The following EIF4G1 variants were observed in gnomAD, a reference collection of about 807,000 sequenced individuals.
The protein encoded by EIF4G1 is EIF4-gamma.
A neutral mutation model predicts 187.8 loss-of-function variants in EIF4G1; 4 were observed. The ratio of observed to expected loss-of-function variants is 0.02; its 90% confidence interval spans 0.01 to 0.05. The LOEUF (loss-of-function observed/expected upper bound fraction) is 0.05, where lower values mean the gene tolerates loss of function less well. Among genes scored for constraint, EIF4G1 ranks in the 10% least tolerant of loss-of-function variants. The pLI is 1.00. For synonymous variants in EIF4G1, 844 were observed against 781.4 expected (o/e 1.08, Z -1.34); for missense variants, 1,647 against 2,081.1 (o/e 0.79, Z 4.06).
chr3:184,326,796 G>C, intron 22 of EIF4G1, 85 bp from the exon 23 acceptor site: 1 of 1,561,524 alleles, frequency 6.4e-7, no homozygotes, highest in Non-Finnish European at 8.8e-7. Context: ...TTTGGGACTG[G>C]GACCAAGTGT....
rs772882343 is a variant in EIF4G1 at position 184,321,557 on chromosome 3, C to T, written c.973C>T (p.Leu325=). 1 of 1,614,228 alleles carries T rather than the reference C, an allele frequency of 6.2e-7. No homozygotes were observed. Among genetic ancestry groups the T allele is most frequent in the South Asian group, 1.1e-5 (1 of 91,088 alleles). Residue 325 remains leucine, a synonymous_variant, in exon 10 of 33, where the codon CTG becomes TTG. Transcript: ENST00000346169. The part of the protein sequence containing the change: ...PEPTPLAEPI[L]EVEVTLSKPV... Reference sequence around the variant, plus strand: ...ACCCACTCCTCTCGCCGAACCCATACTGGAAGTAGAAGTGACACTTAGCAA... The same window carrying T: ...ACCCACTCCTCTCGCCGAACCCATATTGGAAGTAGAAGTGACACTTAGCAA...
chr3:184,331,299 G>T lies in EIF4G1; in HGVS notation c.4195G>T (p.Ala1399Ser). Residue 1399 changes from alanine to serine, a missense_variant, in exon 29 of 33, where the codon GCC becomes TCC. Ala to Ser is a moderately conservative substitution (Grantham distance 99). This residue lies in a region of EIF4G1 where 543 missense variants were observed against 638.0 expected (regional missense o/e 0.85). Transcript: ENST00000346169. ...AAAGGTGGGGACGCTGTGGCGAGAA[G>T]CCGGGCTTAGCTGGAAGGAATTTCT... ...PKKVGTLWREAGLSWKEFLPE... is the reference protein window; with the variant it reads ...PKKVGTLWRESGLSWKEFLPE... The T allele has an allele frequency of 6.2e-7, 1 of 1,614,214 alleles. No homozygotes were observed.
At chr3:184,326,463 G>A (rs778158168) in intron 21 of EIF4G1, 64 bp from the exon 22 acceptor site, 141 of 1,561,328 alleles carry the variant, frequency 9.0e-5, no homozygotes, top group Non-Finnish European at 1.2e-4. Context: ...GTTGCATATG[G>A]TGGTGCTGGC....
At position 184,320,697 on chromosome 3, in the gene EIF4G1, C is replaced by T. The variant is rs754315087; in HGVS notation, c.605C>T (p.Thr202Ile). 9 of 1,614,066 alleles carry T rather than the reference C, an allele frequency of 5.6e-6. No homozygotes were observed. The East Asian group carries it at 8.9e-5, about 16-fold the overall frequency. Residue 202 changes from threonine (T) to isoleucine (I), a missense_variant, in exon 8 of 33, where the codon ACT becomes ATT. Transcript: ENST00000346169. ...GAGGAGATCATGTCTGGGGCCCGCA[C>T]TGCCTCCACACCCACCCCTCCCCAG... ...ITEEIMSGARTASTPTPPQTG... is the reference protein window; with the variant it reads ...ITEEIMSGARIASTPTPPQTG...
chr3:184,315,575 G>A, intron 2 of EIF4G1, 30 bp downstream of exon 2: 1 of 765,916 alleles, frequency 1.3e-6, no homozygotes, highest in Non-Finnish European at 2.4e-6. Context: ...CAGTAGGTCA[G>A]GGGTTGGTTG....
At chr3:184,322,254 G>A in intron 10 of EIF4G1, 108 bp from the exon 11 acceptor site, 2 of 1,520,638 alleles carry the variant, frequency 1.3e-6, no homozygotes, top group Non-Finnish European at 1.8e-6. Flanking sequence ...AAAGGGTGAT[G>A]CAAAGGGGAA....
In EIF4G1 at chr3:184,321,366, C is replaced by T. The variant is rs774842696; in HGVS notation, c.782C>T (p.Ser261Leu). The T allele has an allele frequency of 1.1e-5, 17 of 1,614,024 alleles. No individual in the cohort carries two copies. Among genetic ancestry groups the T allele is most frequent in the Middle Eastern group, 3.3e-4 (2 of 6,084 alleles). Residue 261 changes from serine (S) to leucine (L), a missense_variant, in exon 10 of 33, where the codon TCG (serine) becomes TTG (leucine). Ser to Leu is a moderately radical substitution (Grantham distance 145). Around this residue, in one of 11 missense-constraint regions of EIF4G1, gnomAD observed 522 missense variants for 485.2 expected, o/e 1.08. Coordinates refer to ENST00000346169, the MANE Select transcript of EIF4G1 (RefSeq NM_198241.3). ...EHSPSESQPS[S>L]PSPTPSPSPV... Reference sequence around the variant, plus strand: ...AGCCCTTCAGAATCCCAGCCTTCGTCGCCTTCTCCGACCCCATCACCATCC... The same window carrying T: ...AGCCCTTCAGAATCCCAGCCTTCGTTGCCTTCTCCGACCCCATCACCATCC...
chr3:184,322,554 C>T lies in EIF4G1; in HGVS notation c.1619C>T (p.Ala540Val), dbSNP rs1724106328. Residue 540 changes from alanine to valine, a missense_variant, in exon 12 of 33, where the codon GCA becomes GTA. Physicochemically the swap from Ala to Val is moderately conservative, Grantham distance 64. Around this residue, in one of 11 missense-constraint regions of EIF4G1, gnomAD observed 522 missense variants for 485.2 expected, o/e 1.08. Coordinates refer to ENST00000346169, the MANE Select transcript of EIF4G1 (RefSeq NM_198241.3). ...GTTCTGTTGTTCTAGGCGAACCCGG[C>T]AGTACCAGAGGTGGAAAATCAGCCT... ...LLDAFKEANP[A>V]VPEVENQPPA... 5.6e-6 allele frequency: 9 copies of T among 1,614,012 alleles called. No individual in the cohort carries two copies. Among genetic ancestry groups the T allele is most frequent in the Non-Finnish European group, 7.6e-6 (9 of 1,180,028 alleles).
At chr3:184,316,840 T>G in intron 4 of EIF4G1, 2 of 1,252,360 alleles carry the variant, frequency 1.6e-6, no homozygotes, top group Non-Finnish European at 2.3e-6. Context: ...TAGTGACTTG[T>G]TTGGTGTCCA....
In EIF4G1 at chr3:184,325,688, G is replaced by T. The variant is rs760895276; in HGVS notation, c.3121+49G>T. The T allele has an allele frequency of 2.5e-6, 4 of 1,614,088 alleles. No homozygotes were observed. Among genetic ancestry groups the T allele is most frequent in the Admixed American group, 1.7e-5 (1 of 60,024 alleles). ...AAGGGAGCAGTGAAGGGACCGGGAG[G>T]TTATACTTTCCTCTGATGACTTCCT... On this transcript the variant is annotated intron_variant, in intron 20 of 32. Transcript: ENST00000346169. The surrounding 1 kb of genome is among the most constrained non-coding windows in gnomAD (Gnocchi z 5.2).
At chr3:184,320,184 C>T in intron 7 of EIF4G1, 2 of 1,039,402 alleles carry the variant, frequency 1.9e-6, no homozygotes, top group South Asian at 1.8e-5. Flanking sequence ...AGTCCTCAAG[C>T]CCTGGGCGTG....
At chr3:184,320,851 A>G in intron 8 of EIF4G1, 76 bp from the exon 9 acceptor site, 1 of 1,608,490 alleles carries the variant, frequency 6.2e-7, no homozygotes, top group Non-Finnish European at 8.5e-7. Flanking sequence ...AGGCAGAGCT[A>G]AAGTAGAAAT....
At chr3:184,316,315 C>T (rs917854099) in intron 4 of EIF4G1, 97 bp downstream of exon 4, 39 of 1,477,142 alleles carry the variant, frequency 2.6e-5, no homozygotes, top group Non-Finnish European at 3.4e-5. Context: ...GGCCCCATAC[C>T]TGGCCTTAAT....
intron 6 of EIF4G1, 106 bp from the exon 7 acceptor site, chr3:184,319,583 G>T: frequency 2.6e-6 from 2 of 775,512 alleles, no homozygotes; most frequent in Admixed American, 2.0e-5. Flanking sequence ...GCAAGGGGCC[G>T]GCTGTGGGTG....
rs1449474944 is a variant in EIF4G1 at position 184,335,209 on chromosome 3, T to C, written c.*301T>C. The C allele has an allele frequency of 2.6e-6, 1 of 378,198 alleles. No individual in the cohort carries two copies. Among genetic ancestry groups the C allele is most frequent in the Non-Finnish European group, 4.9e-6 (1 of 204,076 alleles). 23.4% of individuals were successfully genotyped at this position (378,198 alleles called of 1,614,324 possible). A position where few individuals can be genotyped will look rare whatever the true frequency, so the allele number is the denominator to read the frequency against. ...CCAACGCCTGCCCCTGGGGTCCTTT[T>C]TTTTATTTTCTGAAAATCACTCTCG... On this transcript the variant is annotated 3_prime_UTR_variant, in exon 33 of 33. Coordinates refer to ENST00000346169, the MANE Select transcript of EIF4G1 (RefSeq NM_198241.3).
chr3:184,322,054 T>C lies in EIF4G1; in HGVS notation c.1470T>C (p.Pro490=). ...AACTGCTCCCCCCAGAGAGTACCCC[T>C]ATTCCAGCCAACTTGTCTCAGAATT... is the stretch of plus-strand genomic sequence containing the variant. ...GEELLPPEST[P]IPANLSQNLE... Residue 490 remains proline, a synonymous_variant, in exon 10 of 33, where the codon CCT becomes CCC. Transcript: ENST00000346169. 1 of 1,614,128 alleles carries C rather than the reference T, an allele frequency of 6.2e-7. No homozygotes were observed. The highest frequency in any genetic ancestry group is 8.5e-7 in the Non-Finnish European group (1 of 1,180,038).
intron 9 of EIF4G1, 32 bp downstream of exon 9, chr3:184,321,025 G>T: frequency 6.2e-7 from 1 of 1,609,578 alleles, no homozygotes; most frequent in East Asian, 2.2e-5. Flanking sequence ...AGCTTTTATG[G>T]GGAAAGGGAA....
chr3:184,325,773 G>C lies in EIF4G1; in HGVS notation c.3122-78G>C. The stretch of plus-strand genomic sequence containing the variant: ...TGATGGAACTGAGGATCTGAGGAAG[G>C]GAGGCTGGGGGTGGCCCAAGGGGAA... On this transcript the variant is annotated intron_variant, in intron 20 of 32. Transcript: ENST00000346169. The surrounding 1 kb of genome is among the most constrained non-coding windows in gnomAD (Gnocchi z 5.2). 1 of 1,611,468 alleles carries C rather than the reference G, an allele frequency of 6.2e-7. No homozygotes were observed. The highest frequency in any genetic ancestry group is 8.5e-7 in the Non-Finnish European group (1 of 1,177,626).
At chr3:184,315,163 C>T (rs1029824045) in intron 1 of EIF4G1, 8 of 350,880 alleles carry the variant, frequency 2.3e-5, no homozygotes, top group African/African-American at 1.7e-4. Context: ...CGGGCCGACC[C>T]TCACTTGCCT....
Sources: gnomAD v4.1 joint callset for allele counts on GRCh38, gnomAD v4.1.1 for gene constraint, gnomAD v4.1.1 regional missense constraint, Gnocchi (gnomAD v3.1) non-coding constraint, MANE v1.5 for transcripts, NCBI Gene and HGNC (gene_info 2026-07-23, HGNC 2026-07-21) for gene names.